Variants in ZNF510 observed in about 807,000 individuals in gnomAD.
ZNF510 encodes zinc finger protein 510.
A neutral mutation model predicts 18.1 loss-of-function variants in ZNF510; 15 were observed. The observed-to-expected ratio is 0.83, with a 90% CI of 0.55 to 1.28. The LOEUF (loss-of-function observed/expected upper bound fraction) is 1.28, where lower values mean the gene tolerates loss of function less well. Among genes scored for constraint, ZNF510 ranks in the 50% most tolerant of loss-of-function variants. ZNF510 has a pLI of 0.00. For missense variants in ZNF510, 724 were observed against 791.8 expected, an observed-to-expected ratio of 0.91 and a Z score of 1.03; for synonymous variants, 261 against 266.4, an observed-to-expected ratio of 0.98 and a Z score of 0.20.
At chr9:96,776,347 G>A (rs139725848) in intron 1 of ZNF510, 102 bp from the exon 2 acceptor site, 14 of 408,596 alleles carry the variant, frequency 3.4e-5, no homozygotes, top group African/African-American at 6.2e-5. Flanking sequence ...TGTTCTTCAC[G>A]TCAGCACAAC....
At chr9:96,765,704 G>A (rs1160312091) in intron 3 of ZNF510, among the ~76,000 whole-genome samples, 1 of 151,966 alleles carries the variant, frequency 6.6e-6, no homozygotes, top group Non-Finnish European at 1.5e-5. Context: ...GTAGAGATGG[G>A]GTTTCACCAT....
In ZNF510 at chr9:96,760,120, T is replaced by G; in HGVS notation, c.710A>C (p.Tyr237Ser). 2.5e-6 allele frequency: 4 copies of G among 1,609,308 alleles called. No individual in the cohort carries two copies. In the South Asian group the frequency reaches 4.5e-5, roughly 18 times the overall value. The change falls in exon 6 of 6, where the codon TAT (tyrosine) becomes TCT (serine). Residue 237 changes from tyrosine to serine, a missense_variant. Physicochemically the swap from Tyr to Ser is moderately radical, Grantham distance 144. Coordinates refer to ENST00000223428, the MANE Select transcript of ZNF510 (RefSeq NM_014930.3). The stretch of plus-strand genomic sequence containing the variant: ...TGGATGCTTGGGAAGATTTTCATTA[T>G]AATTGAGAGCTTTCATGTTTTTATT... ...EHNKNMKALN[Y>S]NENLPKHPKF...
rs1258699382 is a variant in ZNF510, at chr9:96,755,388, C to T, written c.*3390G>A. 6.6e-6 allele frequency among the ~76,000 whole-genome samples: 1 copy of T among 152,166 alleles called. No individual in the cohort carries two copies. The highest frequency in any genetic ancestry group is 2.4e-5 in the African/African-American group (1 of 41,440). On this transcript the variant is annotated 3_prime_UTR_variant, in exon 6 of 6. Coordinates refer to ENST00000223428, the MANE Select transcript of ZNF510 (RefSeq NM_014930.3). ...ACAGTGATGTTTTGATTCTCAGGGA[C>T]TAACTGGTCCTAACAGGTACTAACT...
chr9:96,777,420 T>C (rs3780550), intron 1 of ZNF510, among the ~76,000 whole-genome samples: 22,975 of 152,044 alleles, frequency 0.15, 4,052 homozygotes, highest in African/African-American at 0.42. Flanking sequence ...ATCTTTTCAC[T>C]CCTCCTTCTT....
At chr9:96,774,978 C>A in intron 2 of ZNF510, 132 bp from the exon 3 acceptor site, 1 of 659,360 alleles carries the variant, frequency 1.5e-6, no homozygotes, top group Non-Finnish European at 2.7e-6. Flanking sequence ...AAGGGACAAG[C>A]AGCACTACAG....
chr9:96,763,314 C>T, intron 4 of ZNF510, 101 bp from the exon 5 acceptor site: 4 of 1,377,314 alleles, frequency 2.9e-6, no homozygotes, highest in Non-Finnish European at 4.1e-6. Flanking sequence ...CCTGAAAGTG[C>T]TCCTTTGCAT....
chr9:96,769,330 G>A lies in ZNF510; in HGVS notation c.129+5458C>T, dbSNP rs371506734. ...TGCATGCCTGTAATTCCAGCTACTC[G>A]GAAGGCTGAGGTGGGAGAATCACTT... On this transcript the variant is annotated intron_variant, in intron 3 of 5. Coordinates refer to ENST00000223428, the MANE Select transcript of ZNF510 (RefSeq NM_014930.3). Among the ~76,000 whole-genome samples the A allele has an allele frequency of 7.9e-5, 12 of 151,960 alleles. 1 individual carries two copies. In the East Asian group the frequency reaches 1.4e-3, roughly 17 times the overall value.
intron 5 of ZNF510, 131 bp from the exon 6 acceptor site, chr9:96,760,608 G>T: frequency 1.3e-6 from 1 of 788,612 alleles, no homozygotes; most frequent in East Asian, 2.7e-5. Flanking sequence ...GTATGTGTGT[G>T]TAAATATATA....
intron 3 of ZNF510, among the ~76,000 whole-genome samples, chr9:96,768,706 G>T (rs78984785): frequency 0.012 from 1,775 of 152,180 alleles, 47 homozygotes; most frequent in African/African-American, 0.04. Context: ...CAAATAAATG[G>T]AAAGACACCT....
chr9:96,757,346 C>T lies in ZNF510; in HGVS notation c.*1432G>A, dbSNP rs1339534141. 1 of 152,162 alleles carries T rather than the reference C, an allele frequency of 6.6e-6. No homozygotes were observed. The highest frequency in any genetic ancestry group is 2.4e-5 in the African/African-American group (1 of 41,432). 9.4% of individuals were successfully genotyped at this position (152,162 alleles called of 1,614,324 possible). ...TGCACAGTGGCTGCTCACCATTCAG[C>T]CAAAAGACTTTTAGGTTCATGCAAA... On this transcript the variant is annotated 3_prime_UTR_variant, in exon 6 of 6. Transcript: ENST00000223428.
rs371015254 is a variant in ZNF510, at chr9:96,775,957, T to C, written c.70+43A>G. The C allele has an allele frequency of 3.8e-6, 6 of 1,581,022 alleles. No homozygotes were observed. The African/African-American group carries it at 6.7e-5, about 18-fold the overall frequency. ...AGCCCTCCAGTAATGTGGCTTTTCC[T>C]GTGCAGTCTGACAGTCACCCACGCC... is the stretch of plus-strand genomic sequence containing the variant. On this transcript the variant is annotated intron_variant, in intron 2 of 5. Transcript: ENST00000223428.
intron 5 of ZNF510, among the ~76,000 whole-genome samples, chr9:96,761,976 G>A (rs2117951498): frequency 6.6e-6 from 1 of 152,100 alleles, no homozygotes; most frequent in African/African-American, 2.4e-5. Flanking sequence ...TACAACATAT[G>A]CAAAAGTTTA....
Position 96,757,322 on chromosome 9 carries a change from GCA to G in ZNF510, c.*1454_*1455del, listed in dbSNP as rs1849219106. 6.6e-6 allele frequency: 1 copy of G among 152,196 alleles called. No homozygotes were observed. Among genetic ancestry groups the G allele is most frequent in the African/African-American group, 2.4e-5 (1 of 41,424 alleles). 9.4% of individuals were successfully genotyped at this position (152,196 alleles called of 1,614,324 possible). Reference sequence around the variant, plus strand: ...AATTAAGGCACACTTACGTTGAACTGCACAGTGGCTGCTCACCATTCAGCCAA... The same window carrying G: ...AATTAAGGCACACTTACGTTGAACTGCAGTGGCTGCTCACCATTCAGCCAA... On this transcript the variant is annotated 3_prime_UTR_variant, in exon 6 of 6. Coordinates refer to ENST00000223428, the MANE Select transcript of ZNF510 (RefSeq NM_014930.3).
intron 5 of ZNF510, among the ~76,000 whole-genome samples, chr9:96,762,044 T>C (rs1849357914): frequency 6.6e-6 from 1 of 151,708 alleles, no homozygotes; most frequent in South Asian, 2.1e-4. Flanking sequence ...ACAATGGACT[T>C]TGGAGACTTA....
intron 3 of ZNF510, among the ~76,000 whole-genome samples, chr9:96,771,614 G>T (rs1052844963): frequency 1.3e-5 from 2 of 152,056 alleles, no homozygotes; most frequent in African/African-American, 4.8e-5. Flanking sequence ...TTTACTGGAA[G>T]TCCTAGCAGT....
At chr9:96,771,741 A>G (rs888414648) in intron 3 of ZNF510, among the ~76,000 whole-genome samples, 1 of 152,174 alleles carries the variant, frequency 6.6e-6, no homozygotes, top group African/African-American at 2.4e-5. Context: ...AAGCTATTAG[A>G]ATGAGTGAAT....
Position 96,759,545 on chromosome 9 carries a change from C to T in ZNF510, c.1285G>A (p.Glu429Lys). 1.2e-6 allele frequency: 2 copies of T among 1,614,110 alleles called. No individual in the cohort carries two copies. Among genetic ancestry groups the T allele is most frequent in the Non-Finnish European group, 8.5e-7 (1 of 1,179,994 alleles). ...CATTCACTACATTCAAATGGTTTCT[C>T]TCCTGTGTGAGTTCTCTGATGTTGA... Reference protein sequence around the residue: ...LIQHQRTHTGEKPFECSECGK... With the variant: ...LIQHQRTHTGKKPFECSECGK... The change falls in exon 6 of 6, where the codon GAG becomes AAG. Residue 429 changes from glutamate (E) to lysine (K), a missense_variant. Glu to Lys is a moderately conservative substitution (Grantham distance 56). Transcript: ENST00000223428.
chr9:96,760,839 A>G (rs1849330446), intron 5 of ZNF510, among the ~76,000 whole-genome samples: 1 of 152,168 alleles, frequency 6.6e-6, no homozygotes, highest in Admixed American at 6.5e-5. Context: ...TCTAAATGTA[A>G]GTAGTATAAC....
chr9:96,773,597 A>G (rs1424183352), intron 3 of ZNF510, among the ~76,000 whole-genome samples: 1 of 149,770 alleles, frequency 6.7e-6, no homozygotes, highest in Non-Finnish European at 1.5e-5. Context: ...TTTTTTTGAG[A>G]TGGAGTCTAG....
Sources: gnomAD v4.1 joint callset for allele counts (sites outside exome capture counted in the v4.1 genomes callset) on GRCh38, gnomAD v4.1.1 for gene constraint, MANE v1.5 for transcripts, NCBI Gene and HGNC (gene_info 2026-07-23, HGNC 2026-07-21) for gene names.